VCL: variants seen among roughly 807,000 people sequenced by gnomAD.
VCL encodes vinculin.
Under a neutral mutation model 125.7 loss-of-function variants are expected in VCL, and 47 were observed. That is an observed-to-expected ratio of 0.37 (90% CI 0.30 to 0.48). The LOEUF (loss-of-function observed/expected upper bound fraction) is 0.48. Ranked by LOEUF, VCL falls within the 20% of genes least tolerant of loss-of-function variation. The pLI, the probability that VCL is intolerant of heterozygous loss-of-function variation, is 0.99. For synonymous variants in VCL, 458 were observed against 514.6 expected, an observed-to-expected ratio of 0.89 and a Z score of 1.49; for missense variants, 1,069 against 1,455.5, an observed-to-expected ratio of 0.73 and a Z score of 4.32.
Position 74,105,260 on chromosome 10 carries a change from G to T in VCL, c.2341G>T (p.Glu781Ter). 1 of 1,614,048 alleles carries T rather than the reference G, an allele frequency of 6.2e-7. No homozygotes were observed. The highest frequency in any genetic ancestry group is 8.5e-7 in the Non-Finnish European group (1 of 1,180,034). The part of the protein sequence containing the change: ...VENSEDPKFR[E>*]AVKAASDELS... Reference sequence around the variant, plus strand: ...GAATTCCGAGGATCCCAAGTTCCGTGAGGCTGTGAAAGCTGCCTCTGATGA... The same window carrying T: ...GAATTCCGAGGATCCCAAGTTCCGTTAGGCTGTGAAAGCTGCCTCTGATGA... Residue 781 changes from glutamate to a stop codon, truncating the protein, a stop_gained, in exon 16 of 22, where the codon GAG becomes TAG. Coordinates refer to ENST00000211998, the MANE Select transcript of VCL (RefSeq NM_014000.3). LOFTEE classifies it high-confidence loss of function.
In VCL at chr10:74,118,045, A is replaced by G; in HGVS notation, c.3281A>G (p.Asn1094Ser). Residue 1094 changes from asparagine (N) to serine (S), a missense_variant, in exon 22 of 22, where the codon AAT becomes AGT. Physicochemically the swap from Asn to Ser is conservative, Grantham distance 46 (BLOSUM62 1). Coordinates refer to ENST00000211998, the MANE Select transcript of VCL (RefSeq NM_014000.3). The part of the protein sequence containing the change: ...SEQATEMLVH[N>S]AQNLMQSVKE... ...CAGGCCACAGAGATGCTGGTTCACAATGCCCAGAACCTCATGCAGTCTGTG... is the reference window on the plus strand; with the variant it reads ...CAGGCCACAGAGATGCTGGTTCACAGTGCCCAGAACCTCATGCAGTCTGTG... 1 of 1,614,200 alleles carries G rather than the reference A, an allele frequency of 6.2e-7. No homozygotes were observed. The highest frequency in any genetic ancestry group is 1.1e-5 in the South Asian group (1 of 91,092).
At chr10:74,067,473 C>CA (rs1363805097) in intron 2 of VCL, among the ~76,000 whole-genome samples, 16 of 151,782 alleles carry the variant, frequency 1.1e-4, no homozygotes, top group African/African-American at 3.6e-4. Flanking sequence ...TGTGGTTTCT[C>CA]AAAAAATCAA....
intron 16 of VCL, among the ~76,000 whole-genome samples, chr10:74,106,413 T>C (rs1347725007): frequency 6.6e-6 from 1 of 152,228 alleles, no homozygotes; most frequent in Non-Finnish European, 1.5e-5. Flanking sequence ...AGGGCTTAAG[T>C]TGATCTGTGG....
At chr10:74,108,829 T>C in intron 17 of VCL, 142 bp from the exon 18 acceptor site, 1 of 864,652 alleles carries the variant, frequency 1.2e-6, no homozygotes, top group East Asian at 2.4e-5. Flanking sequence ...TTGAAGCAGG[T>C]GGTCCTTGTG....
At chr10:74,012,082 T>C (rs996611467) in intron 1 of VCL, among the ~76,000 whole-genome samples, 1 of 152,236 alleles carries the variant, frequency 6.6e-6, no homozygotes, top group Non-Finnish European at 1.5e-5. Context: ...GTAAGCTTTC[T>C]GTGAAGAAAG....
intron 2 of VCL, among the ~76,000 whole-genome samples, chr10:74,070,372 T>C (rs1207091778): frequency 6.6e-6 from 1 of 152,158 alleles, no homozygotes; most frequent in East Asian, 1.9e-4. Flanking sequence ...CATTTTTTGT[T>C]GTCAGGAAAT....
intron 1 of VCL, among the ~76,000 whole-genome samples, chr10:74,039,108 C>T (rs974694024): frequency 2.2e-4 from 33 of 152,136 alleles, no homozygotes; most frequent in African/African-American, 7.2e-4. Flanking sequence ...GACAGGGTTT[C>T]GCCATGTTGG....
In VCL at chr10:74,096,151, T is replaced by TTC. The variant is rs375390186; in HGVS notation, c.1743+297_1743+298insCT. 4.7e-3 allele frequency among the ~76,000 whole-genome samples: 603 copies of TTC among 127,090 alleles called. 4 individuals are homozygous for TTC. The highest frequency in any genetic ancestry group is 9.1e-3 in the African/African-American group (293 of 32,350). The allele number at this position is 127,090 out of a possible 152,430, so 83.4% of individuals were successfully genotyped here. ...AGCCAATATTTTTCTTAAAATGGACTTTTTTTTTTTTTTTAAATGGACTTC... is the reference window on the plus strand; with the variant it reads ...AGCCAATATTTTTCTTAAAATGGACTTCTTTTTTTTTTTTTTAAATGGACTTC... On this transcript the variant is annotated intron_variant, in intron 12 of 21. Transcript: ENST00000211998.
intron 8 of VCL, among the ~76,000 whole-genome samples, chr10:74,087,010 CTT>C (rs1200533871): frequency 4.6e-5 from 7 of 151,850 alleles, no homozygotes; most frequent in Admixed American, 3.9e-4. Context: ...CAGTTGGACT[CTT>C]TTTTAAAAAA....
intron 1 of VCL, among the ~76,000 whole-genome samples, chr10:74,037,886 C>T (rs543818681): frequency 1.3e-5 from 2 of 152,290 alleles, no homozygotes; most frequent in East Asian, 3.9e-4. Flanking sequence ...TGGATCTGTG[C>T]TGCCTGATAT....
intron 2 of VCL, among the ~76,000 whole-genome samples, chr10:74,067,628 G>A (rs981593051): frequency 6.6e-5 from 10 of 152,296 alleles, no homozygotes; most frequent in African/African-American, 2.4e-4. Flanking sequence ...TAAACAAACT[G>A]TGGCATATCC....
rs79000655 is a variant in VCL at position 74,050,216 on chromosome 10, T to C, written c.239+7063T>C. Among the ~76,000 whole-genome samples the C allele has an allele frequency of 1.7e-3, 253 of 152,324 alleles. 2 individuals are homozygous for C. The highest frequency in any genetic ancestry group is 5.7e-3 in the African/African-American group (235 of 41,586). On this transcript the variant is annotated intron_variant, in intron 2 of 21. Coordinates refer to ENST00000211998, the MANE Select transcript of VCL (RefSeq NM_014000.3). The stretch of plus-strand genomic sequence containing the variant: ...CCTTAGTGCTGCTCTGACAGTCTGC[T>C]TGAAGTCAAAACTTGGATTGGTTCA...
At chr10:74,032,709 A>T (rs200621102) in intron 1 of VCL, among the ~76,000 whole-genome samples, 260 of 138,078 alleles carry the variant, frequency 1.9e-3, no homozygotes, top group East Asian at 0.012. Flanking sequence ...CAAAAAAAAA[A>T]ATATATATAT....
chr10:74,023,791 A>G (rs901911248), intron 1 of VCL, among the ~76,000 whole-genome samples: 1 of 152,262 alleles, frequency 6.6e-6, no homozygotes, highest in African/African-American at 2.4e-5. Context: ...GTGATGAAAT[A>G]CAATCTGCAA....
At position 74,105,251 on chromosome 10, in the gene VCL, A is replaced by G. The variant is rs1840113067; in HGVS notation, c.2332A>G (p.Lys778Glu). The change falls in exon 16 of 22, where the codon AAG becomes GAG. Residue 778 changes from lysine (K) to glutamate (E), a missense_variant. By Grantham distance (56) the Lys-to-Glu change is moderately conservative (BLOSUM62 1). Around this residue, in one of 6 missense-constraint regions of VCL, gnomAD observed 760 missense variants for 928.9 expected, o/e 0.82. Transcript: ENST00000211998. ...GGAGGTGGAGAATTCCGAGGATCCC[A>G]AGTTCCGTGAGGCTGTGAAAGCTGC... ...KREVENSEDP[K>E]FREAVKAASD... The G allele has an allele frequency of 3.1e-6, 5 of 1,613,992 alleles. No homozygotes were observed. In the Admixed American group the frequency reaches 6.7e-5, roughly 22 times the overall value.
intron 1 of VCL, chr10:74,016,941 A>T (rs532223488): frequency 6.6e-6 from 1 of 152,110 alleles, no homozygotes; most frequent in Non-Finnish European, 1.5e-5. Flanking sequence ...TATGCTCTAT[A>T]TAAGTGAAAT....
At position 74,082,535 on chromosome 10, in the gene VCL, G is replaced by T; in HGVS notation, c.865G>T (p.Ala289Ser). ...CAAAGGTTGGCTCCGTGACCCTAGT[G>T]CCTCCCCAGGTAACCCTCTAGTTCT... ...QAKGWLRDPSASPGDAGEQAI... is the reference protein window; with the variant it reads ...QAKGWLRDPSSSPGDAGEQAI... The change falls in exon 7 of 22, where the codon GCC becomes TCC. Residue 289 changes from alanine (A) to serine (S), a missense_variant. Around this residue, in one of 6 missense-constraint regions of VCL, gnomAD observed 760 missense variants for 928.9 expected, o/e 0.82. Coordinates refer to ENST00000211998, the MANE Select transcript of VCL (RefSeq NM_014000.3). 2 of 1,614,042 alleles carry T rather than the reference G, an allele frequency of 1.2e-6. No homozygotes were observed. Among genetic ancestry groups the T allele is most frequent in the South Asian group, 1.1e-5 (1 of 91,076 alleles).
At chr10:74,020,860 A>AAG in intron 1 of VCL, among the ~76,000 whole-genome samples, 1 of 150,980 alleles carries the variant, frequency 6.6e-6, no homozygotes, top group Non-Finnish European at 1.5e-5. Flanking sequence ...AAAAAAAAAA[A>AAG]AGAGAGCGAG....
intron 18 of VCL, among the ~76,000 whole-genome samples, chr10:74,110,381 G>A (rs1326544680): frequency 1.3e-5 from 2 of 152,186 alleles, no homozygotes; most frequent in Non-Finnish European, 2.9e-5. Flanking sequence ...GCCATTTGTG[G>A]CCAGAAGTCC....
Sources: gnomAD v4.1 joint callset for allele counts (sites outside exome capture counted in the v4.1 genomes callset) on GRCh38, gnomAD v4.1.1 for gene constraint, gnomAD v4.1.1 regional missense constraint, MANE v1.5 for transcripts, NCBI Gene and HGNC (gene_info 2026-07-23, HGNC 2026-07-21) for gene names.